The following TUBGCP3 variants were observed in gnomAD, a reference collection of about 807,000 sequenced individuals.
TUBGCP3 encodes gamma-tubulin complex component 3.
TUBGCP3 carries 50 observed loss-of-function variants against 123.1 expected under a neutral mutation model. That is an observed-to-expected ratio of 0.41 (90% CI 0.32 to 0.51). The LOEUF is 0.51. Ranked by LOEUF, TUBGCP3 falls within the 20% of genes least tolerant of loss-of-function variation. TUBGCP3 has a pLI of 0.36. For synonymous variants in TUBGCP3, 405 were observed against 413.9 expected (o/e 0.98, Z 0.26); for missense variants, 882 against 1,127.0 (o/e 0.78, Z 3.11).
In TUBGCP3 at chr13:112,569,153, C is replaced by T. The variant is rs147591152; in HGVS notation, c.183G>A (p.Glu61=). The T allele has an allele frequency of 8.1e-4, 1,315 of 1,613,888 alleles. 2 individuals are homozygous for T. The highest frequency in any genetic ancestry group is 1.1e-3 in the Non-Finnish European group (1,245 of 1,179,948). ...EFLVAEKIKK[E]LIRQRREADA... is the part of the protein sequence containing the mutation. ...ATGACATTTAAGAAAAATACGTACG[C>T]TCTTTCTTGATTTTTTCAGCTACTA... The change falls in exon 2 of 22, where the codon GAG becomes GAA. Residue 61 remains glutamate, a splice_region_variant and synonymous_variant. Coordinates refer to ENST00000261965, the MANE Select transcript of TUBGCP3 (RefSeq NM_006322.6).
chr13:112,492,020 T>A (rs1285364129), intron 20 of TUBGCP3, among the ~76,000 whole-genome samples: 2 of 152,254 alleles, frequency 1.3e-5, no homozygotes, highest in East Asian at 3.8e-4. Flanking sequence ...TCTTCTACTA[T>A]ATCACCTGTA....
At chr13:112,544,253 A>G (rs543591889) in intron 11 of TUBGCP3, among the ~76,000 whole-genome samples, 3 of 152,134 alleles carry the variant, frequency 2.0e-5, no homozygotes, top group South Asian at 4.2e-4. Context: ...GGAGATCGAG[A>G]CCATCCTGGC....
At chr13:112,591,628 A>G (rs1450470171), upstream of TUBGCP3, among the ~76,000 whole-genome samples, 1 of 151,408 alleles carries the variant, frequency 6.6e-6, no homozygotes, top group Non-Finnish European at 1.5e-5. Flanking sequence ...GCTCCTCTTC[A>G]AGGACAAGAG....
chr13:112,496,894 G>C (rs899661184), intron 20 of TUBGCP3, among the ~76,000 whole-genome samples: 6 of 151,972 alleles, frequency 3.9e-5, no homozygotes, highest in African/African-American at 1.2e-4. Context: ...GCTGAGGCAG[G>C]AGAATGGCGT....
chr13:112,579,233 C>T (rs1882091338), intron 1 of TUBGCP3, among the ~76,000 whole-genome samples: 1 of 152,250 alleles, frequency 6.6e-6, no homozygotes, highest in South Asian at 2.1e-4. Context: ...TATCACAACA[C>T]ACTTGCTAGA....
intron 8 of TUBGCP3, among the ~76,000 whole-genome samples, chr13:112,552,419 G>A (rs1352684337): frequency 1.3e-5 from 2 of 152,194 alleles, no homozygotes; most frequent in African/African-American, 4.8e-5. Context: ...AGTCCTACCT[G>A]CCTCGAGAAA....
intron 21 of TUBGCP3, among the ~76,000 whole-genome samples, chr13:112,488,392 C>T (rs547728403): frequency 6.6e-6 from 1 of 152,336 alleles, no homozygotes; most frequent in South Asian, 2.1e-4. Flanking sequence ...TGGACCCATA[C>T]ATGGAGGCAA....
intron 2 of TUBGCP3, among the ~76,000 whole-genome samples, chr13:112,568,109 A>G (rs190918953): frequency 9.2e-5 from 14 of 151,438 alleles, no homozygotes; most frequent in African/African-American, 2.9e-4. Context: ...CCCAAGGCCA[A>G]ATGGACTTCT....
At chr13:112,523,521 CACG>C (rs1876796720) in intron 13 of TUBGCP3, among the ~76,000 whole-genome samples, 1 of 152,194 alleles carries the variant, frequency 6.6e-6, no homozygotes, top group South Asian at 2.1e-4. Flanking sequence ...TGCCTGGAGT[CACG>C]ACACCACGGA....
chr13:112,599,914 G>T, the TUBGCP3 span, among the ~76,000 whole-genome samples: 53 of 152,154 alleles, frequency 3.5e-4, no homozygotes, highest in African/African-American at 1.3e-3. Flanking sequence ...ACTGTCACAC[G>T]CCTCTCCCCA....
chr13:112,598,826 G>C, the TUBGCP3 span, among the ~76,000 whole-genome samples: 1 of 151,822 alleles, frequency 6.6e-6, no homozygotes, highest in Admixed American at 6.6e-5. Flanking sequence ...CGCCTGTATA[G>C]TCCCAGCTAC....
Position 112,569,172 on chromosome 13 carries a change from G to C in TUBGCP3, c.164C>G (p.Ala55Gly), listed in dbSNP as rs972432452. ...CGTACGCTCTTTCTTGATTTTTTCA[G>C]CTACTAAAAATTCATCTCTTTCAAC... ...PTVERDEFLV[A>G]EKIKKELIRQ... is the part of the protein sequence containing the mutation. Residue 55 changes from alanine (A) to glycine (G), a missense_variant, in exon 2 of 22, where the codon GCT becomes GGT. Ala to Gly is a moderately conservative substitution (Grantham distance 60, BLOSUM62 0). Around this residue, in one of 3 missense-constraint regions of TUBGCP3, gnomAD observed 713 missense variants for 874.0 expected, o/e 0.82. Transcript: ENST00000261965. The C allele has an allele frequency of 1.2e-5, 20 of 1,613,928 alleles. No individual in the cohort carries two copies. Among genetic ancestry groups the C allele is most frequent in the African/African-American group, 5.3e-5 (4 of 74,904 alleles).
At chr13:112,573,183 C>T (rs1431281138) in intron 1 of TUBGCP3, among the ~76,000 whole-genome samples, 2 of 148,742 alleles carry the variant, frequency 1.3e-5, no homozygotes, top group Non-Finnish European at 3.0e-5. Context: ...CTATAATGGC[C>T]TACGAGATTA....
At chr13:112,554,461 G>T (rs1315244508) in intron 7 of TUBGCP3, among the ~76,000 whole-genome samples, 8 of 152,196 alleles carry the variant, frequency 5.3e-5, no homozygotes, top group Non-Finnish European at 1.0e-4. Flanking sequence ...CTGTGAAAGG[G>T]CTAAGAGCCA....
At chr13:112,538,486 T>C (rs1878248586) in intron 11 of TUBGCP3, among the ~76,000 whole-genome samples, 1 of 152,216 alleles carries the variant, frequency 6.6e-6, no homozygotes, top group South Asian at 2.1e-4. Context: ...TTCCCTCTTT[T>C]AACTTTCTGT....
At chr13:112,574,823 C>G (rs9604363) in intron 1 of TUBGCP3, among the ~76,000 whole-genome samples, 68,485 of 152,178 alleles carry the variant, frequency 0.45, 19,871 homozygotes, top group African/African-American at 0.83. Context: ...TTTTCTTTAT[C>G]TGTTTGCTGT....
At chr13:112,498,624 G>A (rs1316478150) in intron 20 of TUBGCP3, among the ~76,000 whole-genome samples, 1 of 152,168 alleles carries the variant, frequency 6.6e-6, no homozygotes, top group African/African-American at 2.4e-5. Flanking sequence ...GTGCTCATTG[G>A]GACATAAGAC....
At chr13:112,531,011 A>C (rs1035711787) in intron 11 of TUBGCP3, among the ~76,000 whole-genome samples, 2 of 152,260 alleles carry the variant, frequency 1.3e-5, no homozygotes, top group African/African-American at 4.8e-5. Context: ...GCTACCAGTA[A>C]ATTGTTGTTT....
rs1441755690 is a variant in TUBGCP3 at position 112,508,940 on chromosome 13, A to G, written c.2087-4226T>C. 6.6e-6 allele frequency among the ~76,000 whole-genome samples: 1 copy of G among 152,052 alleles called. No homozygotes were observed. ...TGCTGTAACCATAAAGGCCAACGTC[A>G]CCGCACACGGATTATTACAACTGGC... On this transcript the variant is annotated intron_variant, in intron 17 of 21. Coordinates refer to ENST00000261965, the MANE Select transcript of TUBGCP3 (RefSeq NM_006322.6). This position sits in a 1 kb window ranked among gnomAD's most constrained non-coding sequence, Gnocchi z 4.2.
Sources: allele counts gnomAD v4.1 joint callset (sites outside exome capture counted in the v4.1 genomes callset), GRCh38; gene constraint gnomAD v4.1.1; regional missense constraint gnomAD v4.1.1; non-coding constraint Gnocchi (gnomAD v3.1); transcripts MANE v1.5; gene names NCBI Gene and HGNC (gene_info 2026-07-23, HGNC 2026-07-21).